Variants in UST observed in about 807,000 individuals in gnomAD.
UST encodes uronyl 2-sulfotransferase.
Under a neutral mutation model 45.6 loss-of-function variants are expected in UST, and 21 were observed. The ratio of observed to expected loss-of-function variants is 0.46; its 90% CI spans 0.33 to 0.66. The LOEUF is 0.66. UST is among the 30% of genes least tolerant of loss of function. UST has a pLI of 0.02. For synonymous variants in UST, 215 were observed against 200.6 expected (o/e 1.07, Z -0.61); for missense variants, 463 against 512.4 (o/e 0.90, Z 0.93).
chr6:148,914,732 C>G (rs1416155060), intron 2 of UST, among the ~76,000 whole-genome samples: 2 of 152,074 alleles, frequency 1.3e-5, no homozygotes, highest in African/African-American at 4.8e-5. Context: ...CAGCCCAGTT[C>G]GTTACAGGCC....
Position 148,866,550 on chromosome 6 carries a change from C to G in UST, c.248-20436C>G, listed in dbSNP as rs1403332699. ...CTAGTGAGTTGCCTAATGAACAACT[C>G]ATGATAGACATAATAAATGCCAGTT... On this transcript the variant is annotated intron_variant, in intron 1 of 7. Transcript: ENST00000367463. 2.6e-5 allele frequency among the ~76,000 whole-genome samples: 4 copies of G among 152,172 alleles called. No individual in the cohort carries two copies. In the South Asian group the frequency reaches 8.3e-4, roughly 32 times the overall value.
chr6:149,052,856 A>C (rs1776508001), intron 7 of UST, among the ~76,000 whole-genome samples: 2 of 152,242 alleles, frequency 1.3e-5, no homozygotes, highest in African/African-American at 4.8e-5. Context: ...AGTGCTTGCA[A>C]AGACTCAATC....
At chr6:149,038,821 A>G (rs1776271893) in intron 7 of UST, among the ~76,000 whole-genome samples, 1 of 152,192 alleles carries the variant, frequency 6.6e-6, no homozygotes, top group Non-Finnish European at 1.5e-5. Flanking sequence ...TTGGGGGGAA[A>G]AAGATGTCTA....
intron 2 of UST, among the ~76,000 whole-genome samples, chr6:148,924,708 G>A (rs1450489963): frequency 5.3e-5 from 8 of 152,102 alleles, no homozygotes; most frequent in Non-Finnish European, 1.2e-4. Context: ...CACATTTCTT[G>A]GTAATTCACA....
chr6:149,019,114 C>T, intron 5 of UST, 25 bp from the exon 6 acceptor site: 1 of 1,551,264 alleles, frequency 6.4e-7, no homozygotes, highest in Non-Finnish European at 8.9e-7. Context: ...TACAAGACAT[C>T]TGACTGCTGT....
At chr6:148,901,711 C>T (rs1462052707) in intron 2 of UST, among the ~76,000 whole-genome samples, 1 of 152,106 alleles carries the variant, frequency 6.6e-6, no homozygotes, top group African/African-American at 2.4e-5. Flanking sequence ...GCGCCTGCCA[C>T]CACGCCCAGC....
intron 4 of UST, 123 bp downstream of exon 4, chr6:148,954,074 T>C: frequency 1.5e-6 from 1 of 668,354 alleles, no homozygotes; most frequent in Non-Finnish European, 2.3e-6. Flanking sequence ...ATCCGTTTAT[T>C]TTTGCTACGG....
chr6:148,871,141 T>TCTCTCTCTCTCTCTCTCTCTCTCTCTCC (rs1562283619), intron 1 of UST, among the ~76,000 whole-genome samples: 7 of 149,262 alleles, frequency 4.7e-5, no homozygotes, highest in African/African-American at 1.8e-4. Flanking sequence ...TCTCTCTCTC[T>TCTCTCTCTCTCTCTCTCTCTCTCTCTCC]CTCTCCCTCT....
intron 1 of UST, among the ~76,000 whole-genome samples, chr6:148,882,969 G>A (rs767222365): frequency 5.9e-5 from 9 of 152,252 alleles, no homozygotes; most frequent in Non-Finnish European, 1.3e-4. Flanking sequence ...AGGAGGTAGA[G>A]AACTAGTGCG....
At chr6:148,930,057 A>C (rs559133858) in intron 2 of UST, among the ~76,000 whole-genome samples, 1 of 152,308 alleles carries the variant, frequency 6.6e-6, no homozygotes, top group South Asian at 2.1e-4. Context: ...CTTTGAAGCC[A>C]TACAATTTCT....
intron 5 of UST, among the ~76,000 whole-genome samples, chr6:149,009,702 G>T (rs1407693079): frequency 6.6e-6 from 1 of 152,128 alleles, no homozygotes; most frequent in Non-Finnish European, 1.5e-5. Context: ...AAACGAGGGA[G>T]TAAAACAAGC....
rs146102729 is a variant in UST at position 148,778,531 on chromosome 6, T to C, written c.247+30854T>C. On this transcript the variant is annotated intron_variant, in intron 1 of 7. Transcript: ENST00000367463. ...CTTCCTGAGGCGAACACTGGCACCATGGCTTGTGAATGGAGCATGGCCTCC... is the reference window on the plus strand; with the variant it reads ...CTTCCTGAGGCGAACACTGGCACCACGGCTTGTGAATGGAGCATGGCCTCC... Among the ~76,000 whole-genome samples, 85 of 152,312 alleles carry C rather than the reference T, an allele frequency of 5.6e-4. 1 individual carries two copies. The highest frequency in any genetic ancestry group is 1.8e-3 in the African/African-American group (75 of 41,572).
rs57295474 is a variant in UST, at chr6:149,062,985, CA to C, written c.938-10847del. ...TGTAAAGTTTTAATAATACAGAAAG[CA>C]GCCCCCTCCTGGCCTCATGCCAGGT... On this transcript the variant is annotated intron_variant, in intron 7 of 7. Transcript: ENST00000367463. Among the ~76,000 whole-genome samples the C allele has an allele frequency of 8.9e-3, 1,352 of 152,348 alleles. 15 individuals carry two copies. Among genetic ancestry groups the C allele is most frequent in the African/African-American group, 0.031 (1,287 of 41,576 alleles).
At chr6:148,946,839 A>C (rs1412945245) in intron 3 of UST, among the ~76,000 whole-genome samples, 2 of 141,560 alleles carry the variant, frequency 1.4e-5, no homozygotes, top group East Asian at 4.2e-4. Context: ...AAAAAAAAAA[A>C]AAAGGTGCAC....
Position 148,799,891 on chromosome 6 carries a change from A to T in UST, c.247+52214A>T, listed in dbSNP as rs532446799. 9.2e-5 allele frequency among the ~76,000 whole-genome samples: 14 copies of T among 152,284 alleles called. No homozygotes were observed. In the South Asian group the frequency reaches 2.9e-3, roughly 32 times the overall value. On this transcript the variant is annotated intron_variant, in intron 1 of 7. Coordinates refer to ENST00000367463, the MANE Select transcript of UST (RefSeq NM_005715.3). ...TGTATGGGGAAGTAGAATTAGAAGG[A>T]GGTATCAGAGGAACTCTCTCTCTCA...
chr6:149,045,601 G>T (rs747068865), intron 7 of UST, among the ~76,000 whole-genome samples: 4 of 152,234 alleles, frequency 2.6e-5, no homozygotes, highest in Non-Finnish European at 4.4e-5. Context: ...GTCCACCACA[G>T]GGAGGTGACT....
rs1379663687 is a variant in UST, at chr6:148,886,998, A to T, written c.260A>T (p.Tyr87Phe). The change falls in exon 2 of 8, where the codon TAC becomes TTC. Residue 87 changes from tyrosine to phenylalanine, a missense_variant. By Grantham distance (22) the Tyr-to-Phe change is conservative (BLOSUM62 3). Coordinates refer to ENST00000367463, the MANE Select transcript of UST (RefSeq NM_005715.3). ...CTTTATTTTCTAGGAAATTCCACTT[A>T]CTTGGATGACCATGGACCACCTCCT... ...DLRQYLGNST[Y>F]LDDHGPPPSK... is the part of the protein sequence containing the mutation. 6.2e-7 allele frequency: 1 copy of T among 1,612,512 alleles called. No individual in the cohort carries two copies.
chr6:148,836,719 G>A (rs1165271995), intron 1 of UST, among the ~76,000 whole-genome samples: 1 of 152,194 alleles, frequency 6.6e-6, no homozygotes, highest in East Asian at 1.9e-4. Flanking sequence ...GAAACACAGA[G>A]GCCCTGCAAA....
At chr6:148,979,927 T>C (rs1003470796) in intron 5 of UST, among the ~76,000 whole-genome samples, 2 of 152,186 alleles carry the variant, frequency 1.3e-5, no homozygotes, top group African/African-American at 4.8e-5. Context: ...AGCATATGCC[T>C]TTTACTTTTA....
Sources: gnomAD v4.1 joint callset for allele counts (sites outside exome capture counted in the v4.1 genomes callset) on GRCh38, gnomAD v4.1.1 for gene constraint, MANE v1.5 for transcripts, NCBI Gene and HGNC (gene_info 2026-07-23, HGNC 2026-07-21) for gene names.